The following RCBTB2 variants were observed in gnomAD, a reference collection of about 807,000 sequenced individuals.
RCBTB2 encodes the protein RCC1 and BTB domain containing protein 2, also known as RCC1 and BTB domain-containing protein 2.
RCBTB2 carries 55 observed loss-of-function variants against 65.4 expected under a neutral mutation model. That is an observed-to-expected ratio of 0.84 (90% confidence interval 0.68 to 1.05). The LOEUF is 1.05. RCBTB2 is among the 50% of genes least tolerant of loss of function. The pLI is 0.00. For synonymous variants in RCBTB2, 220 were observed against 255.2 expected (o/e 0.86, Z 1.31); for missense variants, 599 against 680.1 (o/e 0.88, Z 1.33).
chr13:48,528,518 T>G (rs1028448181), intron 1 of RCBTB2, among the ~76,000 whole-genome samples: 1 of 152,172 alleles, frequency 6.6e-6, no homozygotes, highest in African/African-American at 2.4e-5. Flanking sequence ...TATCGATATC[T>G]TTTAGGGTAC....
chr13:48,516,201 G>A (rs962492496), intron 4 of RCBTB2, among the ~76,000 whole-genome samples: 2 of 152,142 alleles, frequency 1.3e-5, no homozygotes, highest in African/African-American at 2.4e-5. Context: ...GAAATGGTCC[G>A]AAGTTTTAGT....
chr13:48,513,947 A>T (rs1490441786), intron 6 of RCBTB2, among the ~76,000 whole-genome samples: 1 of 152,204 alleles, frequency 6.6e-6, no homozygotes, highest in African/African-American at 2.4e-5. Flanking sequence ...ATAAAGTTTA[A>T]TTTGTAAGTT....
At chr13:48,506,962 T>C (rs1049476454) in intron 10 of RCBTB2, among the ~76,000 whole-genome samples, 1 of 152,260 alleles carries the variant, frequency 6.6e-6, no homozygotes, top group Non-Finnish European at 1.5e-5. Flanking sequence ...GCGGTTCTTA[T>C]GTTCCCTTCT....
chr13:48,530,129 G>C (rs1225570657), intron 1 of RCBTB2, among the ~76,000 whole-genome samples: 1 of 151,988 alleles, frequency 6.6e-6, no homozygotes, highest in Non-Finnish European at 1.5e-5. Flanking sequence ...TAACTCCTGG[G>C]CTCAAGAACA....
At chr13:48,522,941 AT>A (rs912355671) in intron 2 of RCBTB2, among the ~76,000 whole-genome samples, 3 of 152,282 alleles carry the variant, frequency 2.0e-5, no homozygotes, top group African/African-American at 7.2e-5. Context: ...GATATTAGTA[AT>A]TTTTTTCCTC....
At chr13:48,498,610 A>T (rs1950082338) in intron 13 of RCBTB2, among the ~76,000 whole-genome samples, 1 of 152,116 alleles carries the variant, frequency 6.6e-6, no homozygotes, top group Non-Finnish European at 1.5e-5. Flanking sequence ...CATGCCTGTA[A>T]TCCCAGCTAC....
At chr13:48,527,396 T>TATGATATATATATATATGATA (rs71076027) in intron 1 of RCBTB2, among the ~76,000 whole-genome samples, 3 of 137,870 alleles carry the variant, frequency 2.2e-5, no homozygotes, top group East Asian at 2.2e-4. Flanking sequence ...TATATTTATA[T>TATGATATATATATATATGATA]TAAAAGGTGC....
intron 14 of RCBTB2, among the ~76,000 whole-genome samples, chr13:48,495,623 T>C (rs9332055): frequency 0.044 from 6,699 of 152,258 alleles, 442 homozygotes; most frequent in African/African-American, 0.15. Flanking sequence ...TGTCTTTAAT[T>C]TAAGGTGCTT....
upstream of RCBTB2, among the ~76,000 whole-genome samples, chr13:48,534,851 G>A (rs1952339929): frequency 1.3e-5 from 2 of 152,194 alleles, no homozygotes; most frequent in Non-Finnish European, 2.9e-5. Context: ...GAGAGTATAG[G>A]TTAGTATTTC....
At chr13:48,498,705 G>A (rs955509089) in intron 13 of RCBTB2, among the ~76,000 whole-genome samples, 1 of 151,786 alleles carries the variant, frequency 6.6e-6, no homozygotes, top group African/African-American at 2.4e-5. Context: ...ACTCCAGCCT[G>A]GGCAACAAGA....
At chr13:48,517,462 A>G (rs920697206) in intron 4 of RCBTB2, among the ~76,000 whole-genome samples, 3 of 152,310 alleles carry the variant, frequency 2.0e-5, no homozygotes, top group East Asian at 3.9e-4. Context: ...CACCTGAGCC[A>G]TATCATCAAA....
chr13:48,527,369 G>GATATATATATATATATCAT (rs71186310), intron 1 of RCBTB2, among the ~76,000 whole-genome samples: 1 of 99,856 alleles, frequency 1.0e-5, no homozygotes, highest in Non-Finnish European at 2.0e-5. Context: ...ATTTATATAT[G>GATATATATATATATATCAT]ATATATATAT....
chr13:48,501,023 G>C (rs776847207), intron 12 of RCBTB2, among the ~76,000 whole-genome samples: 1 of 152,156 alleles, frequency 6.6e-6, no homozygotes, highest in Non-Finnish European at 1.5e-5. Flanking sequence ...AAGAAGCCAA[G>C]CACAAATGAA....
At chr13:48,510,336 G>T (rs1950712193) in intron 10 of RCBTB2, among the ~76,000 whole-genome samples, 1 of 152,192 alleles carries the variant, frequency 6.6e-6, no homozygotes, top group Admixed American at 6.5e-5. Context: ...GCAAAAGGGT[G>T]ATTTGTAAGG....
At chr13:48,533,339 A>C (rs1004032629), upstream of RCBTB2, 3 of 299,366 alleles carry the variant, frequency 1.0e-5, no homozygotes, top group African/African-American at 7.0e-5. Context: ...TTTTCCAGGG[A>C]GTTCCTCCGT....
intron 1 of RCBTB2, among the ~76,000 whole-genome samples, chr13:48,526,407 A>G (rs1225231752): frequency 6.6e-6 from 1 of 152,052 alleles, no homozygotes; most frequent in African/African-American, 2.4e-5. Flanking sequence ...GTGGTAGTAC[A>G]CGCCTGTAGT....
intron 14 of RCBTB2, among the ~76,000 whole-genome samples, chr13:48,494,419 T>C (rs1949883798): frequency 6.6e-6 from 1 of 152,184 alleles, no homozygotes; most frequent in African/African-American, 2.4e-5. Flanking sequence ...GGACAGGCTG[T>C]AGTACAACAG....
intron 1 of RCBTB2, 107 bp from the exon 2 acceptor site, chr13:48,524,864 C>G (rs1337995510): frequency 1.3e-5 from 2 of 152,062 alleles, no homozygotes; most frequent in Admixed American, 6.6e-5. Context: ...AAAAATACAG[C>G]TTAAAAATTG....
intron 1 of RCBTB2, among the ~76,000 whole-genome samples, chr13:48,531,559 CT>C (rs1249141142): frequency 6.6e-6 from 1 of 152,178 alleles, no homozygotes; most frequent in African/African-American, 2.4e-5. Context: ...ATTGAGCATA[CT>C]GGAAATACCA....
Sources: gnomAD v4.1 joint callset for allele counts (sites outside exome capture counted in the v4.1 genomes callset) on GRCh38, gnomAD v4.1.1 for gene constraint, MANE v1.5 for transcripts, NCBI Gene and HGNC (gene_info 2026-07-23, HGNC 2026-07-21) for gene names.